PTPRT: variants seen among roughly 807,000 people sequenced by gnomAD.
PTPRT encodes the protein receptor-type tyrosine-protein phosphatase T.
PTPRT carries 56 observed loss-of-function variants against 176.8 expected under a neutral mutation model. The ratio of observed to expected loss-of-function variants is 0.32; its 90% CI spans 0.26 to 0.40. PTPRT has a LOEUF of 0.40. PTPRT is among the 10% of genes least tolerant of loss of function. The pLI, the probability that PTPRT is intolerant of heterozygous loss-of-function variation, is 1.00. For synonymous variants in PTPRT, 783 were observed against 739.0 expected, an observed-to-expected ratio of 1.06 and a Z score of -0.96; for missense variants, 1,540 against 1,908.2, an observed-to-expected ratio of 0.81 and a Z score of 3.60.
chr20:43,015,779 T>C (rs1985337225), intron 1 of PTPRT, among the ~76,000 whole-genome samples: 1 of 152,086 alleles, frequency 6.6e-6, no homozygotes, highest in African/African-American at 2.4e-5. Context: ...GTCCTCACTG[T>C]AAATGGGGAC....
Position 42,421,803 on chromosome 20 carries a change from T to C in PTPRT, c.1560+26417A>G, listed in dbSNP as rs138044007. 3.1e-4 allele frequency among the ~76,000 whole-genome samples: 47 copies of C among 152,150 alleles called. No individual in the cohort carries two copies. The East Asian group carries it at 8.7e-3, about 28-fold the overall frequency. ...CATTGCACTATCCAACTTCAAACTA[T>C]ACCACAGGGCTATAGTAACCAAAAC... On this transcript the variant is annotated intron_variant, in intron 9 of 30. Transcript: ENST00000373187.
chr20:42,434,915 A>T (rs137866855), intron 9 of PTPRT, among the ~76,000 whole-genome samples: 198 of 152,252 alleles, frequency 1.3e-3, no homozygotes, highest in Admixed American at 2.4e-3. Flanking sequence ...CAGTAAGTTG[A>T]GATTGCATCA....
At chr20:42,366,505 T>G (rs576881937) in intron 9 of PTPRT, among the ~76,000 whole-genome samples, 23 of 152,338 alleles carry the variant, frequency 1.5e-4, no homozygotes, top group Non-Finnish European at 2.8e-4. Flanking sequence ...AAGCTCTACC[T>G]TGTCATTGAC....
chr20:42,191,374 G>A (rs142701254), intron 16 of PTPRT, among the ~76,000 whole-genome samples: 63 of 152,294 alleles, frequency 4.1e-4, no homozygotes, highest in African/African-American at 1.4e-3. Flanking sequence ...ATTAAAACAT[G>A]AGTGATATAT....
chr20:43,078,543 G>C (rs1347165044), intron 1 of PTPRT, among the ~76,000 whole-genome samples: 2 of 152,122 alleles, frequency 1.3e-5, no homozygotes, highest in African/African-American at 4.8e-5. Flanking sequence ...GATAGCTCCT[G>C]TTTCACGCAC....
chr20:42,985,136 A>G (rs936022805), intron 1 of PTPRT, among the ~76,000 whole-genome samples: 1 of 152,190 alleles, frequency 6.6e-6, no homozygotes, highest in Non-Finnish European at 1.5e-5. Flanking sequence ...AGCAGGTTCA[A>G]GAGCCTGGAT....
At chr20:43,178,758 C>A (rs2015180358) in intron 1 of PTPRT, among the ~76,000 whole-genome samples, 1 of 152,186 alleles carries the variant, frequency 6.6e-6, no homozygotes, top group African/African-American at 2.4e-5. Flanking sequence ...TCACACCCAA[C>A]CTTGCACTGC....
chr20:42,039,415 G>A, the PTPRT span, among the ~76,000 whole-genome samples: 3 of 151,930 alleles, frequency 2.0e-5, no homozygotes, highest in African/African-American at 7.3e-5. Flanking sequence ...ATGCACAATA[G>A]ATTTCTTGCA....
downstream of PTPRT, among the ~76,000 whole-genome samples, chr20:42,069,925 G>A (rs1366000291): frequency 6.6e-6 from 1 of 152,128 alleles, no homozygotes; most frequent in African/African-American, 2.4e-5. Flanking sequence ...CTCCCTGTGG[G>A]TGCCATGTCT....
At chr20:42,717,331 C>T (rs1347316460) in intron 6 of PTPRT, among the ~76,000 whole-genome samples, 1 of 151,796 alleles carries the variant, frequency 6.6e-6, no homozygotes, top group African/African-American at 2.4e-5. Context: ...AAAAGAACAA[C>T]AGCAGAAGAT....
At chr20:42,984,070 A>T (rs1983427191) in intron 1 of PTPRT, among the ~76,000 whole-genome samples, 1 of 152,244 alleles carries the variant, frequency 6.6e-6, no homozygotes, top group African/African-American at 2.4e-5. Flanking sequence ...GGACAGGTAC[A>T]CTCAGCTGCA....
At chr20:42,204,398 T>G (rs2055398871) in intron 15 of PTPRT, among the ~76,000 whole-genome samples, 1 of 152,208 alleles carries the variant, frequency 6.6e-6, no homozygotes, top group Non-Finnish European at 1.5e-5. Flanking sequence ...TATGACTTTC[T>G]GAACTGAGGA....
chr20:42,228,806 G>C (rs574398248), intron 15 of PTPRT, among the ~76,000 whole-genome samples: 4 of 152,266 alleles, frequency 2.6e-5, no homozygotes, highest in African/African-American at 9.6e-5. Context: ...TCTAGTCACT[G>C]GGAAATGAAT....
chr20:42,977,446 T>C (rs1482837295), intron 1 of PTPRT, among the ~76,000 whole-genome samples: 3 of 152,214 alleles, frequency 2.0e-5, no homozygotes, highest in Admixed American at 6.5e-5. Context: ...CTTATTACAC[T>C]TTCCAATTTT....
At chr20:42,797,147 C>G (rs2077465709) in intron 2 of PTPRT, among the ~76,000 whole-genome samples, 1 of 152,154 alleles carries the variant, frequency 6.6e-6, no homozygotes, top group African/African-American at 2.4e-5. Flanking sequence ...AGAGTAAAAT[C>G]TGCTGCCCCG....
chr20:43,023,312 C>A (rs1985777370), intron 1 of PTPRT, among the ~76,000 whole-genome samples: 1 of 152,188 alleles, frequency 6.6e-6, no homozygotes, highest in Non-Finnish European at 1.5e-5. Flanking sequence ...CCTGAAGCAT[C>A]CTCCTCAACA....
chr20:42,840,601 C>T (rs961873287), intron 2 of PTPRT, among the ~76,000 whole-genome samples: 13 of 151,976 alleles, frequency 8.6e-5, no homozygotes, highest in Admixed American at 4.6e-4. Context: ...TTAGTAGAGA[C>T]GGGGTTTCAC....
At chr20:42,178,084 C>T (rs1010040361) in intron 16 of PTPRT, among the ~76,000 whole-genome samples, 2 of 152,080 alleles carry the variant, frequency 1.3e-5, no homozygotes, top group Non-Finnish European at 2.9e-5. Flanking sequence ...ATAACAGGCA[C>T]CTGCCACCAC....
At chr20:42,261,521 G>A (rs1489964857) in intron 13 of PTPRT, among the ~76,000 whole-genome samples, 1 of 151,718 alleles carries the variant, frequency 6.6e-6, no homozygotes, top group Non-Finnish European at 1.5e-5. Flanking sequence ...ACAGCCTGGG[G>A]ATGGGCTACA....
Sources: allele counts gnomAD v4.1 joint callset (sites outside exome capture counted in the v4.1 genomes callset), GRCh38; gene constraint gnomAD v4.1.1; transcripts MANE v1.5; gene names NCBI Gene and HGNC (gene_info 2026-07-23, HGNC 2026-07-21).